The following ANTXR2 variants were observed in gnomAD, a reference collection of about 807,000 sequenced individuals.
The protein encoded by ANTXR2 is anthrax toxin receptor 2.
In ANTXR2, 44 loss-of-function variants were observed where a neutral mutation model predicts 73.7. The ratio of observed to expected loss-of-function variants is 0.60; its 90% CI spans 0.47 to 0.77. The LOEUF (loss-of-function observed/expected upper bound fraction) is 0.77, where lower values mean the gene tolerates loss of function less well. Ranked by LOEUF, ANTXR2 falls within the 30% of genes least tolerant of loss-of-function variation. ANTXR2 has a pLI of 0.00. For synonymous variants in ANTXR2, 217 were observed against 205.9 expected (o/e 1.05, Z -0.46); for missense variants, 604 against 592.5 (o/e 1.02, Z -0.20).
chr4:79,910,198 T>C (rs1196273370), intron 16 of ANTXR2, among the ~76,000 whole-genome samples: 4 of 152,236 alleles, frequency 2.6e-5, no homozygotes, highest in Admixed American at 6.5e-5. Context: ...GCCTGACATA[T>C]AGCAAACTCT....
At chr4:79,949,130 A>T (rs1255816318) in intron 16 of ANTXR2, among the ~76,000 whole-genome samples, 1 of 152,184 alleles carries the variant, frequency 6.6e-6, no homozygotes, top group Non-Finnish European at 1.5e-5. Context: ...AAAATTCATC[A>T]ATTTAGGTAT....
chr4:80,046,640 T>A (rs1235114944), intron 7 of ANTXR2, among the ~76,000 whole-genome samples: 2 of 151,832 alleles, frequency 1.3e-5, no homozygotes, highest in African/African-American at 2.4e-5. Flanking sequence ...TTTATTCCAT[T>A]TGATTTTTCA....
At chr4:80,035,934 A>C (rs1322994316) in intron 8 of ANTXR2, 38 bp downstream of exon 8, 1 of 1,477,440 alleles carries the variant, frequency 6.8e-7, no homozygotes, top group Non-Finnish European at 9.1e-7. Flanking sequence ...AAAAAAATAC[A>C]ATTTCTTACA....
intron 12 of ANTXR2, among the ~76,000 whole-genome samples, chr4:79,995,744 G>A (rs1730693545): frequency 6.6e-6 from 1 of 151,876 alleles, no homozygotes; most frequent in Middle Eastern, 3.2e-3. Context: ...TCTTTTGTGT[G>A]AATAATTCAT....
intron 16 of ANTXR2, among the ~76,000 whole-genome samples, chr4:79,962,862 C>A (rs1212030730): frequency 6.6e-6 from 1 of 151,976 alleles, no homozygotes; most frequent in African/African-American, 2.4e-5. Flanking sequence ...TATTGAGTAG[C>A]CCAGGCTATC....
chr4:80,000,773 C>G (rs560741364), intron 12 of ANTXR2, among the ~76,000 whole-genome samples: 2 of 152,126 alleles, frequency 1.3e-5, no homozygotes, highest in East Asian at 3.9e-4. Flanking sequence ...ACCAGGTAAA[C>G]GTCATAGTTT....
chr4:79,984,869 A>C lies in ANTXR2; in HGVS notation c.1042-6T>G, dbSNP rs773816417. 6.3e-7 allele frequency: 1 copy of C among 1,578,518 alleles called. No individual in the cohort carries two copies. Among genetic ancestry groups the C allele is most frequent in the East Asian group, 2.3e-5 (1 of 44,268 alleles). Reference sequence around the variant, plus strand: ...GGTGGAGGATCCTTAATAACCTGTCAAAAAAAATCAAATATAAAAATTTCT... The same window carrying C: ...GGTGGAGGATCCTTAATAACCTGTCCAAAAAAATCAAATATAAAAATTTCT... On this transcript the variant is annotated splice_polypyrimidine_tract_variant and splice_region_variant and intron_variant, in intron 12 of 16. Transcript: ENST00000403729.
chr4:79,952,354 C>G (rs919840203), intron 16 of ANTXR2, among the ~76,000 whole-genome samples: 2 of 151,300 alleles, frequency 1.3e-5, no homozygotes, highest in African/African-American at 4.9e-5. Context: ...CCCACTACAT[C>G]TAGACTGTAA....
chr4:79,998,000 G>T (rs969550172), intron 12 of ANTXR2, among the ~76,000 whole-genome samples: 7 of 151,856 alleles, frequency 4.6e-5, no homozygotes, highest in African/African-American at 1.7e-4. Flanking sequence ...ATTTTATTGT[G>T]CATTCCAAAA....
chr4:79,919,658 T>C (rs1344975092), intron 16 of ANTXR2, among the ~76,000 whole-genome samples: 2 of 151,794 alleles, frequency 1.3e-5, no homozygotes, highest in African/African-American at 4.8e-5. Context: ...CTCTTGGACC[T>C]TTGACCACAG....
intron 10 of ANTXR2, among the ~76,000 whole-genome samples, chr4:80,024,352 C>A (rs73829343): frequency 0.1 from 15,767 of 152,192 alleles, 915 homozygotes; most frequent in Middle Eastern, 0.23. Context: ...GGCATTTGGA[C>A]AGCAGACTTA....
At chr4:79,946,386 G>A (rs955909918) in intron 16 of ANTXR2, among the ~76,000 whole-genome samples, 2 of 152,156 alleles carry the variant, frequency 1.3e-5, no homozygotes, top group African/African-American at 4.8e-5. Context: ...TTGGCAAAAG[G>A]AGAATTTGGA....
intron 12 of ANTXR2, among the ~76,000 whole-genome samples, chr4:79,996,371 A>C (rs1730730992): frequency 6.6e-6 from 1 of 152,040 alleles, no homozygotes; most frequent in East Asian, 1.9e-4. Context: ...GAATGAATTG[A>C]CAAATAGATG....
At chr4:79,910,722 T>A (rs193246900) in intron 16 of ANTXR2, among the ~76,000 whole-genome samples, 11 of 151,594 alleles carry the variant, frequency 7.3e-5, no homozygotes, top group African/African-American at 2.7e-4. Context: ...GAGCCAGATG[T>A]CAAAAATGAG....
chr4:80,008,494 G>T, intron 12 of ANTXR2, 27 bp downstream of exon 12: 2 of 1,538,066 alleles, frequency 1.3e-6, no homozygotes, highest in Admixed American at 3.6e-5. Flanking sequence ...TTTTTTTTAA[G>T]TAGAGTTGTA....
In ANTXR2 at chr4:80,063,273, C is replaced by T. The variant is rs540228341; in HGVS notation, c.296+6163G>A. On this transcript the variant is annotated intron_variant, in intron 3 of 16. Transcript: ENST00000403729. ...GAAGTCACACAGCTAGTATGTAGCT[C>T]CTATGCCTATTCCACCCAAGGTCCA... Among the ~76,000 whole-genome samples, 22 of 152,180 alleles carry T rather than the reference C, an allele frequency of 1.4e-4. 1 individual carries two copies. Among genetic ancestry groups the T allele is most frequent in the East Asian group, 1.2e-3 (6 of 5,162 alleles).
chr4:79,975,563 T>C (rs1173858685), intron 16 of ANTXR2, among the ~76,000 whole-genome samples: 1 of 152,234 alleles, frequency 6.6e-6, no homozygotes, highest in Non-Finnish European at 1.5e-5. Flanking sequence ...ATATATTCAA[T>C]GTTAGCTCAA....
chr4:79,916,369 G>T (rs530573522), intron 16 of ANTXR2, among the ~76,000 whole-genome samples: 191 of 152,206 alleles, frequency 1.3e-3, no homozygotes, highest in African/African-American at 4.4e-3. Context: ...ATGGGAGGTA[G>T]ATGCCCCAAA....
chr4:80,034,232 G>T (rs1230441211), intron 8 of ANTXR2, among the ~76,000 whole-genome samples: 1 of 152,092 alleles, frequency 6.6e-6, no homozygotes, highest in Non-Finnish European at 1.5e-5. Context: ...ACTTGTTAGA[G>T]AGTGAGAGAA....
Sources: allele counts gnomAD v4.1 joint callset (sites outside exome capture counted in the v4.1 genomes callset), GRCh38; gene constraint gnomAD v4.1.1; transcripts MANE v1.5; gene names NCBI Gene and HGNC (gene_info 2026-07-23, HGNC 2026-07-21).